NAV3: variants seen among roughly 807,000 people sequenced by gnomAD.
NAV3 encodes the protein neuron navigator 3, also known as pore membrane and/or filament interacting like protein 1.
In NAV3, 87 loss-of-function variants were observed where a neutral mutation model predicts 244.7. The ratio of observed to expected loss-of-function variants is 0.36; its 90% confidence interval spans 0.30 to 0.42. NAV3 has a LOEUF of 0.42. NAV3 is among the 20% of genes least tolerant of loss of function. NAV3 has a pLI of 1.00. For synonymous variants in NAV3, 1,126 were observed against 1,042.2 expected (o/e 1.08, Z -1.55); for missense variants, 2,663 against 2,893.3 (o/e 0.92, Z 1.83).
chr12:77,719,966 A>G (rs961687691), intron 2 of NAV3, among the ~76,000 whole-genome samples: 1 of 151,960 alleles, frequency 6.6e-6, no homozygotes, highest in Non-Finnish European at 1.5e-5. Context: ...TTTATTACTG[A>G]TTCAATGTCT....
At chr12:77,716,047 G>A (rs1876345600) in intron 2 of NAV3, among the ~76,000 whole-genome samples, 1 of 151,956 alleles carries the variant, frequency 6.6e-6, no homozygotes, top group Admixed American at 6.6e-5. Context: ...ATTTACAATT[G>A]TGCAAAATCT....
chr12:77,846,739 A>G (rs184020293), intron 1 of NAV3, among the ~76,000 whole-genome samples: 1 of 152,194 alleles, frequency 6.6e-6, no homozygotes, highest in Non-Finnish European at 1.5e-5. Flanking sequence ...TTAATGGGAA[A>G]TGTCCTTTCT....
At chr12:78,199,576 T>A (rs747431896) in intron 37 of NAV3, 45 bp downstream of exon 37, 2 of 1,422,058 alleles carry the variant, frequency 1.4e-6, no homozygotes, top group Non-Finnish European at 1.9e-6. Flanking sequence ...GAACTAACAG[T>A]GCTTGGTAAA....
Position 78,118,296 on chromosome 12 carries a change from C to T in NAV3, c.3039C>T (p.Pro1013=), listed in dbSNP as rs528058733. ...QKAGTSALKT[P]GKTDDAKASE... is the part of the protein sequence containing the mutation. ...CTGGAACAAGTGCACTCAAAACACC[C>T]GGTAGGCTTGTCGTTTGCCAGCTGT... is the stretch of plus-strand genomic sequence containing the variant. Residue 1013 remains proline, a splice_region_variant and synonymous_variant, in exon 14 of 40, where the codon CCC becomes CCT. Transcript: ENST00000397909. 96 of 1,589,412 alleles carry T rather than the reference C, an allele frequency of 6.0e-5. No homozygotes were observed. Among genetic ancestry groups the T allele is most frequent in the East Asian group, 4.3e-4 (19 of 44,398 alleles).
At position 78,107,045 on chromosome 12, in the gene NAV3, T is replaced by G. The variant is rs551968282; in HGVS notation, c.2637-9727T>G. ...CTATCCAAACAACATCACAGGTATA[T>G]CTAAAGGAAAAAATTTTCCCATATG... On this transcript the variant is annotated intron_variant, in intron 12 of 39. Coordinates refer to ENST00000397909, the MANE Select transcript of NAV3 (RefSeq NM_001024383.2). Among the ~76,000 whole-genome samples the G allele has an allele frequency of 1.1e-4, 16 of 152,286 alleles. No individual in the cohort carries two copies. The East Asian group carries it at 2.9e-3, about 28-fold the overall frequency.
chr12:78,169,980 G>C (rs912174492), intron 24 of NAV3, among the ~76,000 whole-genome samples: 1 of 151,312 alleles, frequency 6.6e-6, no homozygotes, highest in African/African-American at 2.4e-5. Flanking sequence ...GTTAATTGTT[G>C]ATATCCTAAG....
intron 2 of NAV3, among the ~76,000 whole-genome samples, chr12:77,598,222 A>T (rs2136755007): frequency 6.6e-6 from 1 of 152,226 alleles, no homozygotes; most frequent in Middle Eastern, 3.4e-3. Flanking sequence ...TCATTTCATG[A>T]GAAAGTATCC....
intron 2 of NAV3, among the ~76,000 whole-genome samples, chr12:77,690,067 T>G (rs1874934075): frequency 6.6e-6 from 1 of 151,858 alleles, no homozygotes. Context: ...TCTGTTACTT[T>G]AGTGTATAAT....
chr12:77,733,834 AT>A (rs56770236), intron 2 of NAV3, among the ~76,000 whole-genome samples: 3,545 of 124,046 alleles, frequency 0.029, 85 homozygotes, highest in African/African-American at 0.089. Context: ...CTTGGTTTAG[AT>A]TTTTTTTTTT....
intron 12 of NAV3, among the ~76,000 whole-genome samples, chr12:78,109,597 C>A (rs888306930): frequency 2.6e-5 from 4 of 151,862 alleles, no homozygotes; most frequent in African/African-American, 9.7e-5. Context: ...AAATAATATA[C>A]CACAATCCAG....
intron 2 of NAV3, among the ~76,000 whole-genome samples, chr12:77,768,646 C>T (rs1277687384): frequency 4.6e-5 from 7 of 152,212 alleles, no homozygotes; most frequent in African/African-American, 1.7e-4. Context: ...GGAGCAGGCA[C>T]TTCTGAACCT....
In NAV3 at chr12:77,976,697, C is replaced by T. The variant is rs545943956; in HGVS notation, c.671+7995C>T. On this transcript the variant is annotated intron_variant, in intron 5 of 39. Coordinates refer to ENST00000397909, the MANE Select transcript of NAV3 (RefSeq NM_001024383.2). ...TTCTTTTTTTTTTTTTTTTTTGAGACGGAGTCTTACTCTGTCACCAGGCTG... is the reference window on the plus strand; with the variant it reads ...TTCTTTTTTTTTTTTTTTTTTGAGATGGAGTCTTACTCTGTCACCAGGCTG... Among the ~76,000 whole-genome samples, 13 of 55,790 alleles carry T rather than the reference C, an allele frequency of 2.3e-4. No homozygotes were observed. In the East Asian group the frequency reaches 5.1e-3, roughly 22 times the overall value. The allele number at this position is 55,790 out of a possible 152,430, so 36.6% of individuals were successfully genotyped here.
intron 2 of NAV3, among the ~76,000 whole-genome samples, chr12:77,701,654 C>T (rs930110895): frequency 6.6e-6 from 1 of 151,872 alleles, no homozygotes; most frequent in Non-Finnish European, 1.5e-5. Flanking sequence ...TTGAACTGCA[C>T]CTCACTAATT....
intron 2 of NAV3, among the ~76,000 whole-genome samples, chr12:77,809,280 A>G (rs916924567): frequency 6.6e-6 from 1 of 152,288 alleles, no homozygotes; most frequent in South Asian, 2.1e-4. Flanking sequence ...TTTGTACTTG[A>G]AACCCAGGGT....
intron 12 of NAV3, among the ~76,000 whole-genome samples, chr12:78,105,089 AT>A (rs1012229399): frequency 9.2e-5 from 14 of 152,106 alleles, no homozygotes; most frequent in Admixed American, 9.2e-4. Flanking sequence ...ATAATCTCAA[AT>A]TTTTTACCAA....
intron 39 of NAV3, among the ~76,000 whole-genome samples, chr12:78,208,272 A>G (rs528103636): frequency 1.3e-5 from 2 of 152,158 alleles, no homozygotes; most frequent in South Asian, 4.2e-4. Flanking sequence ...CCAGAGTGAG[A>G]ACTCACTGAC....
chr12:77,867,603 C>G (rs1880272539), intron 1 of NAV3, among the ~76,000 whole-genome samples: 1 of 151,858 alleles, frequency 6.6e-6, no homozygotes, highest in Non-Finnish European at 1.5e-5. Context: ...TGCATTTTTA[C>G]TAGAGACGGG....
chr12:77,842,869 G>C (rs58501693), intron 1 of NAV3, among the ~76,000 whole-genome samples: 2 of 152,120 alleles, frequency 1.3e-5, no homozygotes, highest in African/African-American at 4.8e-5. Flanking sequence ...TTTGTATCCA[G>C]GTTTCTCCTT....
intron 19 of NAV3, among the ~76,000 whole-genome samples, chr12:78,139,299 C>T (rs10777778): frequency 0.26 from 39,647 of 151,724 alleles, 5,555 homozygotes; most frequent in East Asian, 0.45. Flanking sequence ...CTATTCCAGC[C>T]GTCTCCTGAT....
Sources: allele counts gnomAD v4.1 joint callset (sites outside exome capture counted in the v4.1 genomes callset), GRCh38; gene constraint gnomAD v4.1.1; transcripts MANE v1.5; gene names NCBI Gene and HGNC (gene_info 2026-07-23, HGNC 2026-07-21).